Variants in CDK17 observed in about 807,000 individuals in gnomAD.
CDK17 encodes the protein cyclin dependent kinase 17, also known as cyclin-dependent kinase 17.
Under a neutral mutation model 77.6 loss-of-function variants are expected in CDK17, and 24 were observed. The ratio of observed to expected loss-of-function variants is 0.31; its 90% CI spans 0.22 to 0.44. The LOEUF (loss-of-function observed/expected upper bound fraction) is 0.44. CDK17 is among the 20% of genes least tolerant of loss of function. The pLI is 1.00. For synonymous variants in CDK17, 203 were observed against 210.4 expected, an observed-to-expected ratio of 0.96 and a Z score of 0.30; for missense variants, 429 against 622.5, an observed-to-expected ratio of 0.69 and a Z score of 3.31.
At chr12:96,359,447 C>T (rs1953460311) in intron 1 of CDK17, among the ~76,000 whole-genome samples, 1 of 152,160 alleles carries the variant, frequency 6.6e-6, no homozygotes, top group African/African-American at 2.4e-5. Context: ...GCTGAAGGAG[C>T]TGCTACTATG....
intron 2 of CDK17, among the ~76,000 whole-genome samples, chr12:96,325,958 C>A (rs1431768736): frequency 6.6e-6 from 1 of 152,042 alleles, no homozygotes; most frequent in African/African-American, 2.4e-5. Flanking sequence ...CAGGAGTTTG[C>A]GGCTGCAGTG....
intron 1 of CDK17, among the ~76,000 whole-genome samples, chr12:96,377,826 TGA>T (rs1392890449): frequency 2.0e-5 from 3 of 151,406 alleles, no homozygotes; most frequent in African/African-American, 7.3e-5. Context: ...CCCAAGTAGC[TGA>T]GACTACAGGC....
At chr12:96,307,774 G>C (rs756018367) in intron 5 of CDK17, among the ~76,000 whole-genome samples, 2 of 152,084 alleles carry the variant, frequency 1.3e-5, no homozygotes, top group Non-Finnish European at 2.9e-5. Flanking sequence ...AGGAGGCTGA[G>C]GCATGAGAAT....
intron 1 of CDK17, among the ~76,000 whole-genome samples, chr12:96,375,223 C>T (rs1335410531): frequency 6.6e-6 from 1 of 152,172 alleles, no homozygotes; most frequent in Non-Finnish European, 1.5e-5. Flanking sequence ...ATCTTCACTG[C>T]TCCTTGCCTA....
intron 1 of CDK17, among the ~76,000 whole-genome samples, chr12:96,362,150 T>C (rs369065232): frequency 6.6e-6 from 1 of 152,202 alleles, no homozygotes; most frequent in Admixed American, 6.5e-5. Context: ...TGTCCTTTCA[T>C]GGACTTTTTA....
rs550666539 is a variant in CDK17 at position 96,338,922 on chromosome 12, C to G, written c.-29-4057G>C. ...CATCTCCAGAATTCATTTCATCTTG[C>G]AAGATGTAAACTCTGTACCCATTAA... On this transcript the variant is annotated intron_variant, in intron 1 of 16. Transcript: ENST00000261211. Among the ~76,000 whole-genome samples, 24 of 152,114 alleles carry G rather than the reference C, an allele frequency of 1.6e-4. No individual in the cohort carries two copies. In the South Asian group the frequency reaches 4.8e-3, roughly 30 times the overall value.
chr12:96,293,452 C>T (rs1952355221), intron 10 of CDK17, among the ~76,000 whole-genome samples: 1 of 152,116 alleles, frequency 6.6e-6, no homozygotes. Flanking sequence ...ATCAAATATA[C>T]ATATCACAAC....
intron 3 of CDK17, among the ~76,000 whole-genome samples, chr12:96,319,759 C>CTA (rs2137119466): frequency 9.5e-6 from 1 of 104,856 alleles, no homozygotes; most frequent in East Asian, 2.7e-4. Context: ...ACCCTTCATG[C>CTA]TAAAAACTCT....
Position 96,347,148 on chromosome 12 carries a change from C to T in CDK17, c.-29-12283G>A, listed in dbSNP as rs143383941. On this transcript the variant is annotated intron_variant, in intron 1 of 16. Transcript: ENST00000261211. ...ACGTTTACACACCTAAAAACAGAGA[C>T]TAAAAATATATTAAGCAAAAACAGA... 5.9e-3 allele frequency among the ~76,000 whole-genome samples: 893 copies of T among 152,030 alleles called. 10 individuals are homozygous for T. The highest frequency in any genetic ancestry group is 0.021 in the African/African-American group (861 of 41,450).
At chr12:96,332,475 T>C (rs549672986) in intron 2 of CDK17, among the ~76,000 whole-genome samples, 19 of 152,358 alleles carry the variant, frequency 1.2e-4, no homozygotes, top group African/African-American at 4.3e-4. Context: ...GGACTGTGTC[T>C]GTGTATGTGA....
At chr12:96,296,479 A>C (rs1952407888) in intron 9 of CDK17, among the ~76,000 whole-genome samples, 1 of 152,212 alleles carries the variant, frequency 6.6e-6, no homozygotes, top group South Asian at 2.1e-4. Context: ...TAACCACCAA[A>C]CTTAATATTT....
At chr12:96,301,544 G>T (rs948577799) in intron 5 of CDK17, among the ~76,000 whole-genome samples, 2 of 152,086 alleles carry the variant, frequency 1.3e-5, no homozygotes, top group African/African-American at 2.4e-5. Flanking sequence ...TCTTAAAGTT[G>T]CTTTCTAGTA....
chr12:96,334,866 C>A lies in CDK17; in HGVS notation c.-29-1G>T. 1 of 1,170,968 alleles carries A rather than the reference C, an allele frequency of 8.5e-7. No homozygotes were observed. The highest frequency in any genetic ancestry group is 1.3e-6 in the Non-Finnish European group (1 of 779,970). The allele number at this position is 1,170,968 out of a possible 1,614,324, so 72.5% of individuals were successfully genotyped here. A position where few individuals can be genotyped will look rare whatever the true frequency, so the allele number is the denominator to read the frequency against. ...TCAATTGAATGTGGCTTGAAAAATCCTGAAAGAAAAGAATAAACACAAAAC... is the reference window on the plus strand; with the variant it reads ...TCAATTGAATGTGGCTTGAAAAATCATGAAAGAAAAGAATAAACACAAAAC... On this transcript the variant is annotated splice_acceptor_variant, in intron 1 of 16. Transcript: ENST00000261211. LOFTEE classifies it low-confidence loss of function (5UTR_SPLICE).
chr12:96,324,364 C>A (rs779003012), intron 2 of CDK17, among the ~76,000 whole-genome samples: 1 of 152,178 alleles, frequency 6.6e-6, no homozygotes, highest in Admixed American at 6.5e-5. Flanking sequence ...CTAAGAACCA[C>A]AAAACTACTA....
intron 1 of CDK17, among the ~76,000 whole-genome samples, chr12:96,391,496 G>T (rs904573685): frequency 6.6e-6 from 1 of 151,382 alleles, no homozygotes; most frequent in Admixed American, 6.6e-5. Context: ...TCGCCATGTT[G>T]CCCAGGCTGG....
intron 1 of CDK17, among the ~76,000 whole-genome samples, chr12:96,344,571 A>G (rs1036907710): frequency 3.3e-5 from 5 of 152,190 alleles, no homozygotes; most frequent in Admixed American, 1.3e-4. Flanking sequence ...GAGAAAACAA[A>G]AAGTCAACCA....
chr12:96,384,464 T>C (rs753515541), intron 1 of CDK17, among the ~76,000 whole-genome samples: 12 of 152,196 alleles, frequency 7.9e-5, no homozygotes, highest in Non-Finnish European at 1.5e-4. Flanking sequence ...TTCATAGGTT[T>C]ATGGCGGCAC....
chr12:96,311,349 G>A (rs1172965354), intron 4 of CDK17, among the ~76,000 whole-genome samples, 172 bp from the exon 5 acceptor site: 1 of 151,916 alleles, frequency 6.6e-6, no homozygotes, highest in Non-Finnish European at 1.5e-5. Flanking sequence ...AACATTTACT[G>A]TAAGCAAAAG....
intron 5 of CDK17, among the ~76,000 whole-genome samples, chr12:96,307,071 G>C (rs1227328900): frequency 6.6e-6 from 1 of 152,300 alleles, no homozygotes; most frequent in African/African-American, 2.4e-5. Flanking sequence ...TGTGGCAGGA[G>C]GATCACCTGA....
Sources: gnomAD v4.1 joint callset for allele counts (sites outside exome capture counted in the v4.1 genomes callset) on GRCh38, gnomAD v4.1.1 for gene constraint, MANE v1.5 for transcripts, NCBI Gene and HGNC (gene_info 2026-07-23, HGNC 2026-07-21) for gene names.